The following RBMS3 variants were observed in gnomAD, a reference collection of about 807,000 sequenced individuals.
The protein encoded by RBMS3 is RNA binding motif single stranded interacting protein 3.
Under a neutral mutation model 66.8 loss-of-function variants are expected in RBMS3, and 27 were observed. That is an observed-to-expected ratio of 0.40 (90% confidence interval 0.30 to 0.56). The LOEUF is 0.56. Ranked by LOEUF, RBMS3 falls within the 20% of genes least tolerant of loss-of-function variation. RBMS3 has a pLI of 0.40. For missense variants in RBMS3, 513 were observed against 549.5 expected, an observed-to-expected ratio of 0.93 and a Z score of 0.66; for synonymous variants, 188 against 183.0, an observed-to-expected ratio of 1.03 and a Z score of -0.22.
chr3:29,851,933 T>C (rs2058944741), intron 6 of RBMS3, among the ~76,000 whole-genome samples: 1 of 152,174 alleles, frequency 6.6e-6, no homozygotes, highest in Admixed American at 6.5e-5. Flanking sequence ...CAAACTATAC[T>C]ACATAGCTAC....
intron 6 of RBMS3, among the ~76,000 whole-genome samples, chr3:29,805,525 C>T (rs534235653): frequency 5.9e-5 from 9 of 152,106 alleles, no homozygotes; most frequent in African/African-American, 2.2e-4. Flanking sequence ...CCCTGAAGAT[C>T]TTCCAGTTGG....
intron 3 of RBMS3, among the ~76,000 whole-genome samples, chr3:29,535,069 G>T (rs1449976410): frequency 6.6e-6 from 1 of 152,068 alleles, no homozygotes; most frequent in Non-Finnish European, 1.5e-5. Context: ...AATAATGGAG[G>T]AATTTAGCAG....
At chr3:29,410,967 T>TAAAA (rs112088181) in intron 1 of RBMS3, among the ~76,000 whole-genome samples, 94 of 135,936 alleles carry the variant, frequency 6.9e-4, no homozygotes, top group African/African-American at 2.3e-3. Flanking sequence ...CCTTTCTTCT[T>TAAAA]AAAAAAAAAA....
intron 3 of RBMS3, among the ~76,000 whole-genome samples, chr3:29,581,637 G>GAAATCA: frequency 6.6e-6 from 1 of 152,286 alleles, no homozygotes; most frequent in East Asian, 1.9e-4. Context: ...CCAAATGTTT[G>GAAATCA]CTTTTTCTGT....
intron 10 of RBMS3, among the ~76,000 whole-genome samples, chr3:29,910,759 A>ATATATG (rs141450072): frequency 0.25 from 37,027 of 150,640 alleles, 4,790 homozygotes; most frequent in Non-Finnish European, 0.28. Flanking sequence ...ACATATACAT[A>ATATATG]TATATGTATA....
intron 6 of RBMS3, among the ~76,000 whole-genome samples, chr3:29,793,639 T>G (rs1185080290): frequency 2.0e-5 from 3 of 152,256 alleles, no homozygotes; most frequent in Non-Finnish European, 4.4e-5. Flanking sequence ...AACTCTCTTT[T>G]AGCCAGTTGT....
intron 3 of RBMS3, among the ~76,000 whole-genome samples, chr3:29,504,435 C>CT (rs1269435095): frequency 6.6e-6 from 1 of 151,794 alleles, no homozygotes; most frequent in Non-Finnish European, 1.5e-5. Flanking sequence ...GGCCTCTTGC[C>CT]TTTTTTTCTG....
At chr3:29,413,022 G>T (rs931433192) in intron 1 of RBMS3, among the ~76,000 whole-genome samples, 4 of 152,184 alleles carry the variant, frequency 2.6e-5, no homozygotes, top group African/African-American at 4.8e-5. Context: ...ACTGAAAAGA[G>T]AAGATGGCCC....
rs766502050 is a variant in RBMS3 at position 29,287,185 on chromosome 3, C to T, written c.75+5429C>T. ...TGGATGTGCTTAGAAAATATCCTCT[C>T]GGAAAACGGAAACAGACATATAATA... On this transcript the variant is annotated intron_variant, in intron 1 of 14. Coordinates refer to ENST00000383767, the MANE Select transcript of RBMS3 (RefSeq NM_001003793.3). 1.6e-4 allele frequency among the ~76,000 whole-genome samples: 24 copies of T among 151,946 alleles called. 1 individual carries two copies. The highest frequency in any genetic ancestry group is 1.9e-4 in the Non-Finnish European group (13 of 67,960).
At chr3:29,635,731 A>G (rs891158959) in intron 4 of RBMS3, among the ~76,000 whole-genome samples, 1 of 151,904 alleles carries the variant, frequency 6.6e-6, no homozygotes, top group African/African-American at 2.4e-5. Context: ...TGATCAAGAT[A>G]CACGTTTCCT....
chr3:29,329,207 G>C (rs962055496), intron 1 of RBMS3, among the ~76,000 whole-genome samples: 1 of 152,080 alleles, frequency 6.6e-6, no homozygotes, highest in Non-Finnish European at 1.5e-5. Flanking sequence ...GGGTGGGGCA[G>C]GGGGTTTGTA....
chr3:29,577,513 G>A (rs2047161295), intron 3 of RBMS3, among the ~76,000 whole-genome samples: 1 of 152,146 alleles, frequency 6.6e-6, no homozygotes, highest in Non-Finnish European at 1.5e-5. Context: ...GCCCTTGACT[G>A]CCTTTCAGAG....
At chr3:29,420,463 A>G (rs1306579041) in intron 1 of RBMS3, among the ~76,000 whole-genome samples, 1 of 152,204 alleles carries the variant, frequency 6.6e-6, no homozygotes, top group Non-Finnish European at 1.5e-5. Context: ...AGAGCTGGCT[A>G]GGACCACTTG....
At chr3:29,798,467 A>T (rs1429962181) in intron 6 of RBMS3, among the ~76,000 whole-genome samples, 1 of 152,002 alleles carries the variant, frequency 6.6e-6, no homozygotes, top group Non-Finnish European at 1.5e-5. Flanking sequence ...GGGAGAAAGG[A>T]AGGAAAGAAG....
At chr3:29,994,048 C>CAG (rs61055092) in intron 14 of RBMS3, among the ~76,000 whole-genome samples, 44,043 of 151,916 alleles carry the variant, frequency 0.29, 7,007 homozygotes, top group African/African-American at 0.41. Context: ...GAGTGCCAGA[C>CAG]TGGGCGCAGG....
intron 4 of RBMS3, among the ~76,000 whole-genome samples, chr3:29,680,725 T>C (rs548593173): frequency 4.9e-4 from 75 of 152,308 alleles, no homozygotes; most frequent in African/African-American, 1.8e-3. Context: ...TATATGCCCG[T>C]CACTCTTTCA....
intron 1 of RBMS3, among the ~76,000 whole-genome samples, chr3:29,426,096 G>A (rs1233420933): frequency 6.6e-6 from 1 of 152,124 alleles, no homozygotes; most frequent in Non-Finnish European, 1.5e-5. Flanking sequence ...TGGAGTCCTA[G>A]CATTTTGGGT....
At chr3:29,962,565 T>C (rs57631345) in intron 12 of RBMS3, among the ~76,000 whole-genome samples, 2,843 of 150,538 alleles carry the variant, frequency 0.019, 177 homozygotes, top group African/African-American at 0.065. Context: ...TATATATATA[T>C]ATAATACCAT....
intron 4 of RBMS3, among the ~76,000 whole-genome samples, chr3:29,718,627 C>T (rs1474665281): frequency 6.6e-6 from 1 of 152,030 alleles, no homozygotes; most frequent in African/African-American, 2.4e-5. Flanking sequence ...TCCCCTGCAA[C>T]TTGGACTGCA....
Sources: gnomAD v4.1 joint callset for allele counts (sites outside exome capture counted in the v4.1 genomes callset) on GRCh38, gnomAD v4.1.1 for gene constraint, MANE v1.5 for transcripts, NCBI Gene and HGNC (gene_info 2026-07-23, HGNC 2026-07-21) for gene names.